The following NFATC2 variants were observed in gnomAD, a reference collection of about 807,000 sequenced individuals.
NFATC2 encodes the protein nuclear factor of activated T-cells, cytoplasmic 2.
In NFATC2, 22 loss-of-function variants were observed where a neutral mutation model predicts 87.3. The ratio of observed to expected loss-of-function variants is 0.25; its 90% CI spans 0.18 to 0.36. The LOEUF (loss-of-function observed/expected upper bound fraction) is 0.36. NFATC2 is among the 10% of genes least tolerant of loss of function. NFATC2 has a pLI of 1.00. For synonymous variants in NFATC2, 565 were observed against 542.2 expected, an observed-to-expected ratio of 1.04 and a Z score of -0.58; for missense variants, 1,149 against 1,259.1, an observed-to-expected ratio of 0.91 and a Z score of 1.32.
At chr20:51,561,432 A>AAAGAAAGAAAGAAAGAAAGG (rs2077024137) in intron 1 of NFATC2, among the ~76,000 whole-genome samples, 2 of 58,936 alleles carry the variant, frequency 3.4e-5, no homozygotes, top group African/African-American at 6.1e-5. Context: ...GAGAGAAAGA[A>AAAGAAAGAAAGAAAGAAAGG]AAGAAAGAAA....
Position 51,387,396 on chromosome 20 carries a change from G to A in NFATC2, c.*4100C>T, listed in dbSNP as rs1270748450. ...TCTGGTCAGCCAACAGCTGCATAAA[G>A]GTAGAATGTTAATAACCCTTTCACT... On this transcript the variant is annotated 3_prime_UTR_variant, in exon 11 of 11. Transcript: ENST00000371564. 6.6e-6 allele frequency: 1 copy of A among 152,204 alleles called. No homozygotes were observed. Among genetic ancestry groups the A allele is most frequent in the African/African-American group, 2.4e-5 (1 of 41,452 alleles). The allele number at this position is 152,204 out of a possible 1,614,324, so 9.4% of individuals were successfully genotyped here.
intron 5 of NFATC2, among the ~76,000 whole-genome samples, chr20:51,456,399 A>G (rs915830695): frequency 2.6e-5 from 4 of 152,180 alleles, no homozygotes; most frequent in Non-Finnish European, 4.4e-5. Context: ...CGCTTGGCCA[A>G]GGATCCATGG....
chr20:51,396,349 TG>T (rs1203268219), intron 10 of NFATC2, among the ~76,000 whole-genome samples: 6 of 152,026 alleles, frequency 3.9e-5, no homozygotes, highest in Non-Finnish European at 7.4e-5. Flanking sequence ...CAGGATTACA[TG>T]GGGAAAACAA....
At chr20:51,485,971 C>T (rs949505702) in intron 3 of NFATC2, among the ~76,000 whole-genome samples, 1 of 151,996 alleles carries the variant, frequency 6.6e-6, no homozygotes, top group Non-Finnish European at 1.5e-5. Context: ...GAATAAGATC[C>T]AGGCCAAGGA....
At chr20:51,522,579 T>C (rs1022528132) in intron 2 of NFATC2, among the ~76,000 whole-genome samples, 2 of 151,852 alleles carry the variant, frequency 1.3e-5, no homozygotes, top group African/African-American at 4.8e-5. Flanking sequence ...ATTTCTTTTT[T>C]TTTTTTTTAG....
rs1276503560 is a variant in NFATC2 at position 51,524,072 on chromosome 20, C to T, written c.169G>A (p.Gly57Arg). 2.0e-6 allele frequency: 3 copies of T among 1,479,488 alleles called. No individual in the cohort carries two copies. The highest frequency in any genetic ancestry group is 1.5e-5 in the South Asian group (1 of 67,794). The allele number at this position is 1,479,488 out of a possible 1,614,324, so 91.6% of individuals were successfully genotyped here. ...NAHKVASPPS[G>R]PAYPDDVLDY... is the part of the protein sequence containing the mutation. ...AGGACATCATCGGGGTATGCGGGTC[C>T]GGAGGGTGGGCTGGCGACCTTATGT... The change falls in exon 2 of 11, where the codon GGA (glycine) becomes AGA (arginine). Residue 57 changes from glycine to arginine, a missense_variant. Gly to Arg is a moderately radical substitution (Grantham distance 125). This residue lies in a region of NFATC2 where 563 missense variants were observed against 585.2 expected (regional missense o/e 0.96). Coordinates refer to ENST00000371564, the MANE Select transcript of NFATC2 (RefSeq NM_012340.5). This position sits in a 1 kb window ranked among gnomAD's most constrained non-coding sequence, Gnocchi z 4.0.
intron 3 of NFATC2, among the ~76,000 whole-genome samples, chr20:51,511,686 C>T (rs1055685716): frequency 3.9e-5 from 6 of 152,290 alleles, no homozygotes; most frequent in South Asian, 4.1e-4. Context: ...CCATAGCTTC[C>T]GCTCCCACTG....
chr20:51,540,654 T>TTTGTTTG lies in NFATC2; in HGVS notation c.130+1715_130+1716insCAAACAA, dbSNP rs1555818304. Among the ~76,000 whole-genome samples the TTTGTTTG allele has an allele frequency of 7.8e-4, 102 of 131,162 alleles. 4 individuals carry two copies. The highest frequency in any genetic ancestry group is 2.1e-3 in the African/African-American group (68 of 32,412). 86.0% of individuals were successfully genotyped at this position (131,162 alleles called of 152,430 possible). On this transcript the variant is annotated intron_variant, in intron 1 of 10. Transcript: ENST00000371564. Reference sequence around the variant, plus strand: ...ACTGTTCCAAAAACTGAAGTTTTTTTTTTGTTTTTTTTTTTTTGAGAAAAC... The same window carrying TTTGTTTG: ...ACTGTTCCAAAAACTGAAGTTTTTTTTTGTTTGTTTGTTTTTTTTTTTTTGAGAAAAC...
chr20:51,542,159 G>T (rs2076829236), intron 1 of NFATC2, among the ~76,000 whole-genome samples: 1 of 152,124 alleles, frequency 6.6e-6, no homozygotes, highest in African/African-American at 2.4e-5. Flanking sequence ...ACCAGAAACT[G>T]GTGCCCCTAA....
chr20:51,479,923 G>A (rs1281754204), intron 3 of NFATC2, among the ~76,000 whole-genome samples: 1 of 152,138 alleles, frequency 6.6e-6, no homozygotes, highest in Non-Finnish European at 1.5e-5. Flanking sequence ...TCTGCTCTCT[G>A]ATTACTACAG....
chr20:51,561,571 C>T (rs1346020910), intron 1 of NFATC2, among the ~76,000 whole-genome samples: 1 of 141,724 alleles, frequency 7.1e-6, no homozygotes, highest in Non-Finnish European at 1.5e-5. Context: ...CATTTCTTCC[C>T]CCCCCCACCC....
chr20:51,501,252 C>G (rs1259323545), intron 3 of NFATC2, among the ~76,000 whole-genome samples: 1 of 152,204 alleles, frequency 6.6e-6, no homozygotes, highest in Non-Finnish European at 1.5e-5. Flanking sequence ...ATGATACACA[C>G]AGCTGTTGTG....
intron 3 of NFATC2, among the ~76,000 whole-genome samples, chr20:51,504,119 T>C (rs1223642347): frequency 6.6e-6 from 1 of 151,940 alleles, no homozygotes; most frequent in African/African-American, 2.4e-5. Flanking sequence ...GCCTCCCGGG[T>C]TCAAGCGATT....
At chr20:51,517,163 T>C (rs1355402235) in intron 2 of NFATC2, among the ~76,000 whole-genome samples, 2 of 152,154 alleles carry the variant, frequency 1.3e-5, no homozygotes, top group African/African-American at 4.8e-5. Flanking sequence ...ATACCTACAC[T>C]ATATGGTATA....
In NFATC2 at chr20:51,524,054, C is replaced by T. The variant is rs766598553; in HGVS notation, c.187G>A (p.Asp63Asn). Residue 63 changes from aspartate (D) to asparagine (N), a missense_variant, in exon 2 of 11, where the codon GAT (aspartate) becomes AAT (asparagine). By Grantham distance (23) the Asp-to-Asn change is conservative. Coordinates refer to ENST00000371564, the MANE Select transcript of NFATC2 (RefSeq NM_012340.5). The surrounding 1 kb of genome is among the most constrained non-coding windows in gnomAD (Gnocchi z 4.0). ...GGCTTGAGGCCATAGTCCAGGACATCATCGGGGTATGCGGGTCCGGAGGGT... is the reference window on the plus strand; with the variant it reads ...GGCTTGAGGCCATAGTCCAGGACATTATCGGGGTATGCGGGTCCGGAGGGT... ...SPPSGPAYPD[D>N]VLDYGLKPYS... 1 of 1,513,244 alleles carries T rather than the reference C, an allele frequency of 6.6e-7. No individual in the cohort carries two copies. Among genetic ancestry groups the T allele is most frequent in the Non-Finnish European group, 8.8e-7 (1 of 1,133,916 alleles). The allele number at this position is 1,513,244 out of a possible 1,614,324, so 93.7% of individuals were successfully genotyped here.
Position 51,502,507 on chromosome 20 carries a change from T to G in NFATC2, c.1332+14277A>C, listed in dbSNP as rs558619925. Among the ~76,000 whole-genome samples the G allele has an allele frequency of 9.5e-5, 14 of 146,798 alleles. No homozygotes were observed. In the East Asian group the frequency reaches 1.2e-3, roughly 13 times the overall value. The stretch of plus-strand genomic sequence containing the variant: ...GCCCAGCTAATTTTTTGTTTTTGTG[T>G]TTTTTTTGGTAGAGACAAGGGTCTG... On this transcript the variant is annotated intron_variant, in intron 3 of 10. Transcript: ENST00000371564.
At chr20:51,496,658 T>G (rs893476961) in intron 3 of NFATC2, among the ~76,000 whole-genome samples, 14 of 152,292 alleles carry the variant, frequency 9.2e-5, no homozygotes, top group Non-Finnish European at 1.9e-4. Context: ...GGGGTACTAT[T>G]ATCATCCTAC....
chr20:51,491,580 G>A (rs1406789696), intron 3 of NFATC2, among the ~76,000 whole-genome samples: 1 of 152,142 alleles, frequency 6.6e-6, no homozygotes, highest in Non-Finnish European at 1.5e-5. Context: ...GGGAGGAGAA[G>A]TGCAGCGGCA....
intron 3 of NFATC2, among the ~76,000 whole-genome samples, chr20:51,496,169 C>T (rs2075985207): frequency 6.6e-6 from 1 of 152,084 alleles, no homozygotes; most frequent in Non-Finnish European, 1.5e-5. Context: ...AAGGGAGGAT[C>T]GAAGCGCAGC....
Sources: allele counts gnomAD v4.1 joint callset (sites outside exome capture counted in the v4.1 genomes callset), GRCh38; gene constraint gnomAD v4.1.1; regional missense constraint gnomAD v4.1.1; non-coding constraint Gnocchi (gnomAD v3.1); transcripts MANE v1.5; gene names NCBI Gene and HGNC (gene_info 2026-07-23, HGNC 2026-07-21).